Variants in PLEKHA5 observed in about 807,000 individuals in gnomAD.
PLEKHA5 encodes the protein pleckstrin homology domain containing A5.
A neutral mutation model predicts 181.9 loss-of-function variants in PLEKHA5; 55 were observed. That is an observed-to-expected ratio of 0.30 (90% confidence interval 0.24 to 0.38). The LOEUF (loss-of-function observed/expected upper bound fraction) is 0.38, where lower values mean the gene tolerates loss of function less well. Ranked by LOEUF, PLEKHA5 falls within the 10% of genes least tolerant of loss-of-function variation. PLEKHA5 has a pLI of 1.00. For missense variants in PLEKHA5, 1,432 were observed against 1,549.5 expected (o/e 0.92, Z 1.27); for synonymous variants, 535 against 529.4 (o/e 1.01, Z -0.15).
At chr12:19,257,403 C>T (rs1742098623) in intron 5 of PLEKHA5, 30 bp from the exon 6 acceptor site, 1 of 1,096,984 alleles carries the variant, frequency 9.1e-7, no homozygotes, top group Admixed American at 2.0e-5. Context: ...ATTAATACCA[C>T]ATTTTCTGTC....
chr12:19,299,399 A>G (rs527240838), intron 15 of PLEKHA5, among the ~76,000 whole-genome samples: 8 of 152,336 alleles, frequency 5.3e-5, no homozygotes, highest in South Asian at 2.1e-4. Context: ...CCTCATTACC[A>G]TTTAGTCAGC....
chr12:19,231,157 T>C (rs2060478134), intron 3 of PLEKHA5, among the ~76,000 whole-genome samples: 1 of 152,190 alleles, frequency 6.6e-6, no homozygotes, highest in African/African-American at 2.4e-5. Context: ...GCAACCATTG[T>C]AAGAGTTTCT....
chr12:19,318,493 A>C (rs1168084886), intron 16 of PLEKHA5, among the ~76,000 whole-genome samples: 1 of 152,326 alleles, frequency 6.6e-6, no homozygotes, highest in East Asian at 1.9e-4. Flanking sequence ...TTTTCACTTT[A>C]ATATACTAAT....
At chr12:19,270,845 C>G (rs182836362) in intron 10 of PLEKHA5, among the ~76,000 whole-genome samples, 1 of 151,920 alleles carries the variant, frequency 6.6e-6, no homozygotes, top group African/African-American at 2.4e-5. Context: ...GGGATTGTTA[C>G]AGTATACATC....
intron 25 of PLEKHA5, among the ~76,000 whole-genome samples, chr12:19,353,038 T>G (rs1592603245): frequency 6.6e-6 from 1 of 151,810 alleles, no homozygotes; most frequent in East Asian, 1.9e-4. Flanking sequence ...TCATCCCGCC[T>G]CAGCCTCCCA....
intron 3 of PLEKHA5, among the ~76,000 whole-genome samples, chr12:19,247,808 T>TA (rs1250445632): frequency 2.0e-5 from 3 of 151,846 alleles, no homozygotes; most frequent in African/African-American, 7.3e-5. Context: ...TGCTGACCTT[T>TA]AGTAGAGCAT....
At position 19,293,021 on chromosome 12, in the gene PLEKHA5, GA is replaced by G. The variant is rs1342365460; in HGVS notation, c.2037+1326del. Among the ~76,000 whole-genome samples the G allele has an allele frequency of 5.9e-5, 9 of 152,112 alleles. No homozygotes were observed. The South Asian group carries it at 1.9e-3, about 32-fold the overall frequency. ...TTAATATTTAATTTTAATTTGTTGG[GA>G]ATTTTTTGTTATTAGACATAATTTC... On this transcript the variant is annotated intron_variant, in intron 15 of 31. Transcript: ENST00000429027.
chr12:19,327,597 C>T (rs2092346104), intron 20 of PLEKHA5, among the ~76,000 whole-genome samples: 1 of 149,526 alleles, frequency 6.7e-6, no homozygotes, highest in Non-Finnish European at 1.5e-5. Flanking sequence ...TTAATTAGCT[C>T]CCACTTGTCA....
At chr12:19,151,708 A>G (rs1166240951) in intron 3 of PLEKHA5, 2 of 152,146 alleles carry the variant, frequency 1.3e-5, no homozygotes, top group Non-Finnish European at 2.9e-5. Flanking sequence ...GATGGAAAAC[A>G]TTAATGATAT....
At chr12:19,194,231 G>T (rs1215304195) in intron 3 of PLEKHA5, among the ~76,000 whole-genome samples, 1 of 152,188 alleles carries the variant, frequency 6.6e-6, no homozygotes, top group African/African-American at 2.4e-5. Flanking sequence ...TTTCACTTAA[G>T]ATAATGACCT....
Position 19,322,503 on chromosome 12 carries a change from T to C in PLEKHA5, c.2299-15T>C. 6.2e-7 allele frequency: 1 copy of C among 1,613,020 alleles called. No homozygotes were observed. Among genetic ancestry groups the C allele is most frequent in the Middle Eastern group, 1.7e-4 (1 of 6,060 alleles). On this transcript the variant is annotated splice_polypyrimidine_tract_variant and intron_variant, in intron 19 of 31. Coordinates refer to ENST00000429027, the MANE Select transcript of PLEKHA5 (RefSeq NM_001256470.2). ...TGATGCAGAACATTAAGTGTAATTCTTTTTATCATAATAGTACACGCTTGA... is the reference window on the plus strand; with the variant it reads ...TGATGCAGAACATTAAGTGTAATTCCTTTTATCATAATAGTACACGCTTGA...
intron 20 of PLEKHA5, among the ~76,000 whole-genome samples, chr12:19,329,373 C>T (rs1189591550): frequency 1.3e-5 from 2 of 152,074 alleles, no homozygotes; most frequent in East Asian, 3.9e-4. Flanking sequence ...AGAGGAGACC[C>T]TCCTCCTTAT....
chr12:19,360,547 T>C (rs1002139829), intron 28 of PLEKHA5, among the ~76,000 whole-genome samples: 15 of 150,628 alleles, frequency 1.0e-4, no homozygotes, highest in African/African-American at 3.4e-4. Flanking sequence ...GAGGTTGCAA[T>C]GAGCTGAGAT....
intron 3 of PLEKHA5, among the ~76,000 whole-genome samples, chr12:19,170,622 G>A (rs965884784): frequency 6.6e-6 from 1 of 152,140 alleles, no homozygotes; most frequent in Admixed American, 6.5e-5. Flanking sequence ...GTTTCACCAT[G>A]TTGGCCAGGA....
At chr12:19,172,909 T>C (rs1162707109) in intron 3 of PLEKHA5, among the ~76,000 whole-genome samples, 1 of 151,572 alleles carries the variant, frequency 6.6e-6, no homozygotes, top group Non-Finnish European at 1.5e-5. Flanking sequence ...TGGTGATCAT[T>C]CTCCTCGTGT....
chr12:19,204,278 AGCCCCACTC>A (rs764725590), intron 3 of PLEKHA5, among the ~76,000 whole-genome samples: 4 of 152,138 alleles, frequency 2.6e-5, no homozygotes, highest in Non-Finnish European at 5.9e-5. Flanking sequence ...AAGATGGGTC[AGCCCCACTC>A]TGTCAGTGAC....
At chr12:19,192,153 G>A (rs562760987) in intron 3 of PLEKHA5, among the ~76,000 whole-genome samples, 23 of 152,136 alleles carry the variant, frequency 1.5e-4, no homozygotes, top group African/African-American at 4.8e-4. Context: ...TAATTTTAAT[G>A]AAGGAAAAAG....
Position 19,366,378 on chromosome 12 carries a change from G to C in PLEKHA5, c.3754+269G>C, listed in dbSNP as rs111991236. ...CTTTTTCTAATAAAATCTTTTGGCCGGGTGCGGTGGCTCACACCTGTAATC... is the reference window on the plus strand; with the variant it reads ...CTTTTTCTAATAAAATCTTTTGGCCCGGTGCGGTGGCTCACACCTGTAATC... On this transcript the variant is annotated intron_variant, in intron 30 of 31. Coordinates refer to ENST00000429027, the MANE Select transcript of PLEKHA5 (RefSeq NM_001256470.2). 2.6e-3 allele frequency among the ~76,000 whole-genome samples: 403 copies of C among 152,170 alleles called. 2 individuals are homozygous for C. The highest frequency in any genetic ancestry group is 9.3e-3 in the African/African-American group (386 of 41,520).
At chr12:19,227,268 A>G (rs570157939) in intron 3 of PLEKHA5, among the ~76,000 whole-genome samples, 2 of 147,196 alleles carry the variant, frequency 1.4e-5, no homozygotes, top group South Asian at 2.2e-4. Flanking sequence ...AAGAATCCCA[A>G]TTTTGTTCTA....
Sources: allele counts gnomAD v4.1 joint callset (sites outside exome capture counted in the v4.1 genomes callset), GRCh38; gene constraint gnomAD v4.1.1; transcripts MANE v1.5; gene names NCBI Gene and HGNC (gene_info 2026-07-23, HGNC 2026-07-21).